TAFA1: variants seen among roughly 807,000 people sequenced by gnomAD.
The protein encoded by TAFA1 is chemokine-like protein TAFA-1.
In TAFA1, 4 loss-of-function variants were observed where a neutral mutation model predicts 18.5. That is an observed-to-expected ratio of 0.22 (90% CI 0.11 to 0.49). TAFA1 has a LOEUF of 0.49. TAFA1 is among the 20% of genes least tolerant of loss of function. TAFA1 has a pLI of 0.98. For missense variants in TAFA1, 147 were observed against 169.0 expected, an observed-to-expected ratio of 0.87 and a Z score of 0.72; for synonymous variants, 56 against 55.2, an observed-to-expected ratio of 1.01 and a Z score of -0.06.
At chr3:68,443,549 C>T (rs2071425264) in intron 3 of TAFA1, among the ~76,000 whole-genome samples, 1 of 151,014 alleles carries the variant, frequency 6.6e-6, no homozygotes, top group South Asian at 2.1e-4. Flanking sequence ...GGGGAAGCTT[C>T]ACAATCATGG....
At chr3:68,376,773 T>C (rs989061649) in intron 2 of TAFA1, among the ~76,000 whole-genome samples, 1 of 152,200 alleles carries the variant, frequency 6.6e-6, no homozygotes, top group African/African-American at 2.4e-5. Flanking sequence ...ATATACCCAG[T>C]GATATGGTTT....
intron 2 of TAFA1, among the ~76,000 whole-genome samples, chr3:68,297,361 C>T (rs1337033370): frequency 2.6e-5 from 4 of 152,150 alleles, no homozygotes; most frequent in African/African-American, 9.7e-5. Flanking sequence ...TGGAACATTC[C>T]TAAGTCTTCA....
intron 3 of TAFA1, among the ~76,000 whole-genome samples, chr3:68,418,964 C>T (rs1248963698): frequency 6.6e-6 from 1 of 152,128 alleles, no homozygotes; most frequent in Non-Finnish European, 1.5e-5. Flanking sequence ...TAGAGTATCT[C>T]ATGTGGTTGC....
chr3:68,058,493 AT>A (rs2064562127), intron 2 of TAFA1, among the ~76,000 whole-genome samples: 1 of 152,110 alleles, frequency 6.6e-6, no homozygotes, highest in Non-Finnish European at 1.5e-5. Context: ...CTCCCTTACC[AT>A]TTCCCAGATA....
intron 2 of TAFA1, among the ~76,000 whole-genome samples, chr3:68,413,789 C>G (rs1016752249): frequency 1.3e-5 from 2 of 152,032 alleles, no homozygotes; most frequent in Admixed American, 6.6e-5. Context: ...CTCATGAGTG[C>G]TTGCTAAGGG....
intron 2 of TAFA1, among the ~76,000 whole-genome samples, chr3:68,009,956 A>G (rs1162963799): frequency 6.6e-6 from 1 of 152,220 alleles, no homozygotes; most frequent in African/African-American, 2.4e-5. Context: ...AAAAGGAAAA[A>G]CATAATCTCA....
chr3:68,084,590 G>C (rs2064947970), intron 2 of TAFA1, among the ~76,000 whole-genome samples: 1 of 152,078 alleles, frequency 6.6e-6, no homozygotes, highest in South Asian at 2.1e-4. Flanking sequence ...CTGAGGTCAG[G>C]AGTTTGAGAC....
chr3:68,113,384 C>T (rs1426360833), intron 2 of TAFA1, among the ~76,000 whole-genome samples: 3 of 152,118 alleles, frequency 2.0e-5, no homozygotes, highest in African/African-American at 7.2e-5. Flanking sequence ...AAACTGCACA[C>T]CTGACTCACA....
At chr3:68,331,942 C>A (rs1394613800) in intron 2 of TAFA1, among the ~76,000 whole-genome samples, 1 of 140,150 alleles carries the variant, frequency 7.1e-6, no homozygotes, top group African/African-American at 2.7e-5. Flanking sequence ...CAGCTCACTG[C>A]AAGCTCTGCC....
At chr3:68,169,718 G>A (rs2066028741) in intron 2 of TAFA1, among the ~76,000 whole-genome samples, 1 of 152,224 alleles carries the variant, frequency 6.6e-6, no homozygotes, top group East Asian at 1.9e-4. Flanking sequence ...TGTGGGTGAT[G>A]TGAATATTTT....
At chr3:68,145,519 G>T (rs1326298771) in intron 2 of TAFA1, 15 of 1,084,104 alleles carry the variant, frequency 1.4e-5, no homozygotes, top group Non-Finnish European at 2.0e-5. Context: ...CAGGGGCCCT[G>T]GATGTTTCCT....
At chr3:68,121,477 A>G (rs2065397876) in intron 2 of TAFA1, among the ~76,000 whole-genome samples, 1 of 152,150 alleles carries the variant, frequency 6.6e-6, no homozygotes, top group Non-Finnish European at 1.5e-5. Context: ...GTTCCAAGAA[A>G]TCTGAAGTTC....
chr3:68,057,319 C>G (rs917588416), intron 2 of TAFA1, among the ~76,000 whole-genome samples: 1 of 152,160 alleles, frequency 6.6e-6, no homozygotes, highest in African/African-American at 2.4e-5. Flanking sequence ...TCACCCAAGG[C>G]CAGCTCGTTC....
intron 2 of TAFA1, among the ~76,000 whole-genome samples, chr3:68,060,090 C>A (rs1049879122): frequency 6.6e-6 from 1 of 152,020 alleles, no homozygotes; most frequent in Admixed American, 6.5e-5. Context: ...CACACACACA[C>A]GCACAAAAAA....
At chr3:68,070,824 T>C (rs1194570359) in intron 2 of TAFA1, among the ~76,000 whole-genome samples, 1 of 152,248 alleles carries the variant, frequency 6.6e-6, no homozygotes, top group African/African-American at 2.4e-5. Flanking sequence ...GTCTCTTTGC[T>C]AAAATGTACC....
At chr3:68,090,163 AT>A (rs1416386359) in intron 2 of TAFA1, among the ~76,000 whole-genome samples, 30 of 152,200 alleles carry the variant, frequency 2.0e-4, no homozygotes, top group African/African-American at 6.8e-4. Context: ...CTGAGTTGTC[AT>A]TGGTTAATAA....
chr3:68,266,691 GC>G (rs1281589672), intron 2 of TAFA1, among the ~76,000 whole-genome samples: 1 of 152,098 alleles, frequency 6.6e-6, no homozygotes, highest in African/African-American at 2.4e-5. Context: ...CCGGGTGAGA[GC>G]AGAGGAAGAC....
intron 2 of TAFA1, among the ~76,000 whole-genome samples, chr3:68,125,223 T>G (rs1471276704): frequency 6.6e-6 from 1 of 152,218 alleles, no homozygotes; most frequent in Non-Finnish European, 1.5e-5. Context: ...GTGCCTTAGT[T>G]GCCTTGTCTG....
intron 2 of TAFA1, among the ~76,000 whole-genome samples, chr3:68,334,703 G>A (rs1483950943): frequency 1.3e-5 from 2 of 152,044 alleles, no homozygotes; most frequent in Admixed American, 6.6e-5. Flanking sequence ...AAATCCCAGC[G>A]TTTTGACACT....
Sources: gnomAD v4.1 joint callset for allele counts (sites outside exome capture counted in the v4.1 genomes callset) on GRCh38, gnomAD v4.1.1 for gene constraint, MANE v1.5 for transcripts, NCBI Gene and HGNC (gene_info 2026-07-23, HGNC 2026-07-21) for gene names.